Variants in DMD observed in about 807,000 individuals in gnomAD.
DMD encodes the protein dystrophin, also known as mutant dystrophin.
A neutral mutation model predicts 330.1 loss-of-function variants in DMD; 63 were observed. That is an observed-to-expected ratio of 0.19 (90% CI 0.16 to 0.24). The LOEUF is 0.24. Among genes scored for constraint, DMD ranks in the 10% least tolerant of loss-of-function variants. The pLI, the probability that DMD is intolerant of heterozygous loss-of-function variation, is 1.00. For synonymous variants in DMD, 1,223 were observed against 959.8 expected (o/e 1.27, Z -5.07); for missense variants, 3,344 against 2,684.1 (o/e 1.25, Z -5.43).
intron 48 of DMD, among the ~76,000 whole-genome samples, chrX:31,862,999 G>T (rs1041101094): frequency 3.5e-5 from 4 of 112,786 alleles, no homozygotes; most frequent in African/African-American, 1.3e-4. Context: ...CCTCACTTGG[G>T]GCTAACGCCA....
chrX:32,155,434 C>G (rs1272379753), intron 44 of DMD: 5 of 752,833 alleles, frequency 6.6e-6, no homozygotes, highest in Non-Finnish European at 7.8e-6. Context: ...GAGCAGCCAG[C>G]AATGCCTCCG....
chrX:31,260,526 C>A (rs762255752), intron 63 of DMD, among the ~76,000 whole-genome samples: 19 of 111,405 alleles, frequency 1.7e-4, no homozygotes, highest in Non-Finnish European at 3.6e-4. Flanking sequence ...TTGTGAGCAC[C>A]GGAAAGACGG....
intron 44 of DMD, among the ~76,000 whole-genome samples, chrX:32,058,508 G>A (rs2096197728): frequency 9.5e-6 from 1 of 105,538 alleles, no homozygotes; most frequent in African/African-American, 3.5e-5. Context: ...TAACTACCAG[G>A]GAAATGCAAA....
chrX:32,353,023 A>T (rs1011911922), intron 37 of DMD, among the ~76,000 whole-genome samples: 1 of 111,192 alleles, frequency 9.0e-6, no homozygotes, highest in South Asian at 3.7e-4. Flanking sequence ...TATTATATCA[A>T]TCGGTAGTTT....
chrX:33,286,527 C>T (rs1040099138), intron 1 of DMD, among the ~76,000 whole-genome samples: 6 of 112,297 alleles, frequency 5.3e-5, no homozygotes, highest in African/African-American at 1.9e-4. Context: ...TGTTCTCCTG[C>T]TCTCGTCTTT....
chrX:31,563,433 T>C (rs2075305872), intron 55 of DMD, among the ~76,000 whole-genome samples: 1 of 112,398 alleles, frequency 8.9e-6, no homozygotes, highest in South Asian at 3.7e-4. Context: ...TTTGTGCTAA[T>C]ACTATACTAT....
chrX:32,501,909 T>A, intron 18 of DMD, 67 bp from the exon 19 acceptor site: 2 of 846,671 alleles, frequency 2.4e-6, no homozygotes, highest in African/African-American at 2.0e-5. Flanking sequence ...TAATTATAAC[T>A]TCTACTTGCC....
At chrX:32,608,269 G>A (rs1298789492) in intron 12 of DMD, among the ~76,000 whole-genome samples, 2 of 110,100 alleles carry the variant, frequency 1.8e-5, no homozygotes, top group Non-Finnish European at 3.8e-5. Context: ...CTTGTTAATA[G>A]AATTCTTATG....
At chrX:31,328,622 CT>C (rs2056926823) in intron 61 of DMD, among the ~76,000 whole-genome samples, 1 of 111,335 alleles carries the variant, frequency 9.0e-6, no homozygotes, top group African/African-American at 3.3e-5. Flanking sequence ...CCTGACTCCC[CT>C]ATCACTTCAT....
At chrX:32,322,958 C>T (rs1282468184) in intron 41 of DMD, among the ~76,000 whole-genome samples, 1 of 112,342 alleles carries the variant, frequency 8.9e-6, no homozygotes, top group Non-Finnish European at 1.9e-5. Context: ...TTTACGAGGA[C>T]ATTTCTCATG....
intron 17 of DMD, among the ~76,000 whole-genome samples, chrX:32,531,280 T>G (rs1381554891): frequency 2.7e-5 from 3 of 111,640 alleles, no homozygotes; most frequent in African/African-American, 9.8e-5. Context: ...TGTCCACAGT[T>G]TGGAGAGTCA....
intron 44 of DMD, among the ~76,000 whole-genome samples, chrX:32,040,900 A>G (rs2095996022): frequency 9.0e-6 from 1 of 111,219 alleles, no homozygotes; most frequent in Admixed American, 9.6e-5. Context: ...GACATTCAGA[A>G]CCAAGGTGCA....
At chrX:32,982,587 A>G (rs2092735527) in intron 2 of DMD, among the ~76,000 whole-genome samples, 1 of 111,729 alleles carries the variant, frequency 9.0e-6, no homozygotes, top group Non-Finnish European at 1.9e-5. Context: ...ATAATGCAGG[A>G]ATAAACCCAA....
intron 22 of DMD, among the ~76,000 whole-genome samples, chrX:32,470,101 T>A (rs1378478948): frequency 9.0e-6 from 1 of 111,587 alleles, no homozygotes; most frequent in Non-Finnish European, 1.9e-5. Context: ...CAATTTAGTA[T>A]GCAAAAAAAA....
At chrX:32,805,306 T>A (rs758031041) in intron 7 of DMD, among the ~76,000 whole-genome samples, 1 of 111,060 alleles carries the variant, frequency 9.0e-6, no homozygotes, top group Non-Finnish European at 1.9e-5. Context: ...CACAACAACT[T>A]CATGAAGCAT....
At chrX:32,327,082 A>G (rs562119149) in intron 41 of DMD, among the ~76,000 whole-genome samples, 3 of 108,691 alleles carry the variant, frequency 2.8e-5, no homozygotes, top group East Asian at 5.8e-4. Context: ...TCCCCAAACT[A>G]TGAGTCCATA....
intron 29 of DMD, among the ~76,000 whole-genome samples, chrX:32,422,326 G>A (rs2098193451): frequency 9.0e-6 from 1 of 111,564 alleles, no homozygotes; most frequent in Admixed American, 9.6e-5. Flanking sequence ...TACTAAATTA[G>A]AAAATCAGAG....
chrX:31,792,268 T>C (rs2149316133), intron 50 of DMD, among the ~76,000 whole-genome samples: 1 of 112,475 alleles, frequency 8.9e-6, no homozygotes, highest in Admixed American at 9.4e-5. Flanking sequence ...GGACAATGTT[T>C]TGCCATTTCT....
intron 44 of DMD, among the ~76,000 whole-genome samples, chrX:32,104,638 A>C (rs2096556094): frequency 1.8e-5 from 2 of 112,267 alleles, no homozygotes; most frequent in African/African-American, 6.5e-5. Context: ...AATTCATAAC[A>C]CAACAATATA....
Sources: allele counts gnomAD v4.1 joint callset (sites outside exome capture counted in the v4.1 genomes callset), GRCh38; gene constraint gnomAD v4.1.1; transcripts MANE v1.5; gene names NCBI Gene and HGNC (gene_info 2026-07-23, HGNC 2026-07-21).